The following EVI5 variants were observed in gnomAD, a reference collection of about 807,000 sequenced individuals.
EVI5 encodes the protein ecotropic viral integration site 5.
In EVI5, 73 loss-of-function variants were observed where a neutral mutation model predicts 112.0. That is an observed-to-expected ratio of 0.65 (90% CI 0.54 to 0.79). The LOEUF (loss-of-function observed/expected upper bound fraction) is 0.79, where lower values mean the gene tolerates loss of function less well. Among genes scored for constraint, EVI5 ranks in the 30% least tolerant of loss-of-function variants. The pLI is 0.00. For missense variants in EVI5, 900 were observed against 968.8 expected (o/e 0.93, Z 0.94); for synonymous variants, 305 against 319.9 (o/e 0.95, Z 0.50).
At chr1:92,553,746 T>A (rs2100789788) in intron 19 of EVI5, among the ~76,000 whole-genome samples, 1 of 152,328 alleles carries the variant, frequency 6.6e-6, no homozygotes, top group Admixed American at 6.5e-5. Context: ...TGTATGTGAT[T>A]ATTACAGTTT....
At chr1:92,777,909 CTTT>C (rs11306355) in intron 1 of EVI5, among the ~76,000 whole-genome samples, 25 of 110,320 alleles carry the variant, frequency 2.3e-4, no homozygotes, top group Non-Finnish European at 2.3e-4. Flanking sequence ...ATGCCAAAAT[CTTT>C]TTTTTTTTTT....
intron 16 of EVI5, among the ~76,000 whole-genome samples, chr1:92,614,866 ATATATATATATATATATATC>A (rs1652722229): frequency 3.2e-4 from 3 of 9,494 alleles, no homozygotes; most frequent in East Asian, 0.019. Context: ...ATATATATAT[ATATATATATATATATATATC>A]TCCTATTATT....
At chr1:92,672,101 G>T (rs555653580) in intron 10 of EVI5, among the ~76,000 whole-genome samples, 2 of 152,102 alleles carry the variant, frequency 1.3e-5, no homozygotes, top group East Asian at 3.9e-4. Context: ...CACCCTGATG[G>T]TAGGCATGCC....
chr1:92,723,234 A>G (rs1033447242), intron 2 of EVI5, among the ~76,000 whole-genome samples: 6 of 152,234 alleles, frequency 3.9e-5, no homozygotes, highest in Admixed American at 1.3e-4. Flanking sequence ...AAGCAGAAGT[A>G]ACATTCACAA....
At chr1:92,654,643 G>C (rs1340259309) in intron 13 of EVI5, among the ~76,000 whole-genome samples, 1 of 152,146 alleles carries the variant, frequency 6.6e-6, no homozygotes, top group Non-Finnish European at 1.5e-5. Context: ...ATTCTCAAAA[G>C]ATCACACTAA....
At chr1:92,733,531 G>C (rs928368741) in intron 2 of EVI5, among the ~76,000 whole-genome samples, 3 of 150,276 alleles carry the variant, frequency 2.0e-5, no homozygotes, top group African/African-American at 7.3e-5. Flanking sequence ...TCAGCCTCCC[G>C]AGTAGCTGGA....
At position 92,693,861 on chromosome 1, in the gene EVI5, G is replaced by C; in HGVS notation, c.1038C>G (p.Val346=). 6.2e-7 allele frequency: 1 copy of C among 1,607,022 alleles called. No homozygotes were observed. Among genetic ancestry groups the C allele is most frequent in the Non-Finnish European group, 8.5e-7 (1 of 1,174,318 alleles). Residue 346 remains valine (V), a synonymous_variant, in exon 9 of 20, where the codon GTC becomes GTG. Coordinates refer to ENST00000684568, the MANE Select transcript of EVI5 (RefSeq NM_001350197.2). Reference sequence around the variant, plus strand: ...AAGCTGCTTGGATTAGCTTGTCTGGGACACCATCAAACTGATGTGGAATGA... The same window carrying C: ...AAGCTGCTTGGATTAGCTTGTCTGGCACACCATCAAACTGATGTGGAATGA... ...QKVIPHQFDG[V]PDKLIQAAYQ...
intron 2 of EVI5, among the ~76,000 whole-genome samples, chr1:92,707,119 C>G (rs377387790): frequency 7.5e-6 from 1 of 133,204 alleles, no homozygotes; most frequent in East Asian, 2.5e-4. Flanking sequence ...GCGGAGGTTG[C>G]GGTGAGCCGA....
chr1:92,607,340 C>T (rs1650646254), intron 17 of EVI5: 1 of 361,418 alleles, frequency 2.8e-6, no homozygotes, highest in Non-Finnish European at 4.9e-6. Flanking sequence ...TAGTAAATGC[C>T]AATCCAGGAA....
At chr1:92,741,213 G>A (rs918629584) in intron 1 of EVI5, among the ~76,000 whole-genome samples, 4 of 152,178 alleles carry the variant, frequency 2.6e-5, no homozygotes, top group African/African-American at 9.7e-5. Flanking sequence ...AGGTCACAAA[G>A]CTAATAAAAG....
chr1:92,729,527 C>T (rs552025645), intron 2 of EVI5, among the ~76,000 whole-genome samples: 1 of 152,244 alleles, frequency 6.6e-6, no homozygotes, highest in African/African-American at 2.4e-5. Context: ...GATGCAAATA[C>T]ATTCAACTCT....
At chr1:92,660,882 C>T (rs1663880658) in intron 13 of EVI5, among the ~76,000 whole-genome samples, 1 of 151,944 alleles carries the variant, frequency 6.6e-6, no homozygotes, top group Admixed American at 6.6e-5. Flanking sequence ...TAACTACATA[C>T]ATTTCCAACA....
intron 18 of EVI5, among the ~76,000 whole-genome samples, chr1:92,582,035 G>A (rs894173691): frequency 2.6e-5 from 4 of 152,158 alleles, no homozygotes; most frequent in Non-Finnish European, 4.4e-5. Flanking sequence ...GGATTTCATC[G>A]TTGTGTGAAC....
Position 92,704,738 on chromosome 1 carries a change from T to C in EVI5, c.156A>G (p.Leu52=), listed in dbSNP as rs199943313. 4 of 1,507,770 alleles carry C rather than the reference T, an allele frequency of 2.7e-6. No homozygotes were observed. The South Asian group carries it at 3.9e-5, about 15-fold the overall frequency. 93.4% of individuals were successfully genotyped at this position (1,507,770 alleles called of 1,614,324 possible). Residue 52 remains leucine, a synonymous_variant, in exon 3 of 20, where the codon TTA becomes TTG. Coordinates refer to ENST00000684568, the MANE Select transcript of EVI5 (RefSeq NM_001350197.2). ...ATCTTAAAGACTTACTATCCGTTTC[T>C]AACAATCTAAAATATAATTAAAAAC... ...LAKLEEQNRL[L]ETDSKSLRSV...
chr1:92,602,687 A>AT (rs1649433156), intron 18 of EVI5, among the ~76,000 whole-genome samples: 1 of 152,184 alleles, frequency 6.6e-6, no homozygotes, highest in Non-Finnish European at 1.5e-5. Context: ...GATTACAGGC[A>AT]TGAGTTACTG....
At chr1:92,598,047 A>C (rs915882931) in intron 18 of EVI5, among the ~76,000 whole-genome samples, 2 of 152,114 alleles carry the variant, frequency 1.3e-5, no homozygotes, top group African/African-American at 2.4e-5. Flanking sequence ...CAACAAAGTG[A>C]GACCTTTTTT....
intron 19 of EVI5, among the ~76,000 whole-genome samples, chr1:92,528,742 AT>A (rs1662344802): frequency 6.6e-6 from 1 of 152,212 alleles, no homozygotes; most frequent in Admixed American, 6.5e-5. Flanking sequence ...AAAACCAGGG[AT>A]CTCGTTTGTC....
chr1:92,574,126 T>C (rs1670691373), intron 18 of EVI5, among the ~76,000 whole-genome samples: 1 of 152,120 alleles, frequency 6.6e-6, no homozygotes, highest in East Asian at 1.9e-4. Flanking sequence ...ATTACCTGGA[T>C]TGTTTGATAA....
Position 92,642,153 on chromosome 1 carries a change from A to T in EVI5, c.1393-5817T>A, listed in dbSNP as rs183089178. Reference sequence around the variant, plus strand: ...CCCAAAAAAAAAAAATTGTTGAAAAATCTATAATTTTTATATGATTTGCGC... The same window carrying T: ...CCCAAAAAAAAAAAATTGTTGAAAATTCTATAATTTTTATATGATTTGCGC... On this transcript the variant is annotated intron_variant, in intron 13 of 19. Transcript: ENST00000684568. Among the ~76,000 whole-genome samples, 22 of 152,256 alleles carry T rather than the reference A, an allele frequency of 1.4e-4. No homozygotes were observed. In the East Asian group the frequency reaches 4.0e-3, roughly 28 times the overall value.
Sources: allele counts gnomAD v4.1 joint callset (sites outside exome capture counted in the v4.1 genomes callset), GRCh38; gene constraint gnomAD v4.1.1; transcripts MANE v1.5; gene names NCBI Gene and HGNC (gene_info 2026-07-23, HGNC 2026-07-21).